Variants in AMOTL1 observed in about 807,000 individuals in gnomAD.
AMOTL1 encodes angiomotin-like protein 1.
A neutral mutation model predicts 102.9 loss-of-function variants in AMOTL1; 45 were observed. That is an observed-to-expected ratio of 0.44 (90% CI 0.34 to 0.56). The LOEUF (loss-of-function observed/expected upper bound fraction) is 0.56. AMOTL1 is among the 20% of genes least tolerant of loss of function. AMOTL1 has a pLI of 0.01. For synonymous variants in AMOTL1, 481 were observed against 484.7 expected, an observed-to-expected ratio of 0.99 and a Z score of 0.10; for missense variants, 1,114 against 1,225.6, an observed-to-expected ratio of 0.91 and a Z score of 1.36.
intron 8 of AMOTL1, among the ~76,000 whole-genome samples, chr11:94,856,391 T>C (rs988178560): frequency 2.0e-5 from 3 of 152,200 alleles, no homozygotes; most frequent in African/African-American, 7.2e-5. Context: ...ACTGGTTCCA[T>C]GTGGCAGATA....
intron 2 of AMOTL1, among the ~76,000 whole-genome samples, chr11:94,796,013 A>C (rs1026250136): frequency 6.6e-6 from 1 of 152,232 alleles, no homozygotes; most frequent in African/African-American, 2.4e-5. Flanking sequence ...AGTCCAACCC[A>C]CATTGATCTG....
chr11:94,742,006 C>A (rs1471835648), intron 3 of AMOTL1, among the ~76,000 whole-genome samples: 1 of 152,306 alleles, frequency 6.6e-6, no homozygotes, highest in East Asian at 1.9e-4. Flanking sequence ...GGACCTGAAG[C>A]AAAATTCCAC....
intron 4 of AMOTL1, among the ~76,000 whole-genome samples, chr11:94,823,943 TCTC>T (rs1296878540): frequency 6.6e-6 from 1 of 151,892 alleles, no homozygotes; most frequent in Non-Finnish European, 1.5e-5. Flanking sequence ...ATGGTTTTGA[TCTC>T]CTGACCTCGT....
At chr11:94,773,862 T>C (rs1464736893) in intron 1 of AMOTL1, among the ~76,000 whole-genome samples, 1 of 152,194 alleles carries the variant, frequency 6.6e-6, no homozygotes, top group Non-Finnish European at 1.5e-5. Context: ...GTTGAATAGA[T>C]TAAGAGTTAT....
intron 8 of AMOTL1, among the ~76,000 whole-genome samples, chr11:94,858,180 C>T (rs1421504766): frequency 6.6e-6 from 1 of 152,082 alleles, no homozygotes; most frequent in Non-Finnish European, 1.5e-5. Flanking sequence ...AATAAGGGAG[C>T]GTCTCATCTC....
intron 6 of AMOTL1, among the ~76,000 whole-genome samples, chr11:94,845,309 C>T (rs1952386399): frequency 6.6e-6 from 1 of 152,262 alleles, no homozygotes; most frequent in South Asian, 2.1e-4. Context: ...TACTTTCTAC[C>T]ACTTGTGTTC....
chr11:94,836,775 T>A (rs1438318691), intron 6 of AMOTL1, among the ~76,000 whole-genome samples: 1 of 148,668 alleles, frequency 6.7e-6, no homozygotes, highest in African/African-American at 2.5e-5. Context: ...TTTTTTTTTT[T>A]AGAATAGAAG....
intron 1 of AMOTL1, among the ~76,000 whole-genome samples, chr11:94,715,277 A>G (rs1166521110): frequency 1.3e-5 from 2 of 152,056 alleles, no homozygotes; most frequent in East Asian, 3.9e-4. Context: ...CTGTTTTATG[A>G]CCCAGTATAT....
intron 6 of AMOTL1, among the ~76,000 whole-genome samples, chr11:94,835,009 C>G (rs957926312): frequency 6.6e-6 from 1 of 152,122 alleles, no homozygotes; most frequent in African/African-American, 2.4e-5. Context: ...TTGTACTCCC[C>G]CAAGTCATGA....
rs538905680 is a variant in AMOTL1 at position 94,860,020 on chromosome 11, A to G, written c.2135+305A>G. ...AATCTCAGTGTTGTTGAAAATATCA[A>G]TACATTTAACATAGCCTAGATTTCA... On this transcript the variant is annotated intron_variant, in intron 9 of 12. Transcript: ENST00000433060. Among the ~76,000 whole-genome samples the G allele has an allele frequency of 9.2e-5, 14 of 152,342 alleles. No individual in the cohort carries two copies. In the East Asian group the frequency reaches 1.2e-3, roughly 13 times the overall value.
chr11:94,843,752 T>C (rs892624533), intron 6 of AMOTL1, among the ~76,000 whole-genome samples: 1 of 152,192 alleles, frequency 6.6e-6, no homozygotes, highest in African/African-American at 2.4e-5. Context: ...AGGAGTTCAT[T>C]TCAGCAGCAT....
intron 4 of AMOTL1, among the ~76,000 whole-genome samples, chr11:94,825,805 G>C (rs1951951639): frequency 6.6e-6 from 1 of 152,164 alleles, no homozygotes; most frequent in Non-Finnish European, 1.5e-5. Flanking sequence ...GAAATAAAAA[G>C]CTTTAGTTTT....
intron 3 of AMOTL1, among the ~76,000 whole-genome samples, chr11:94,811,356 G>T (rs985001325): frequency 3.3e-5 from 5 of 152,194 alleles, no homozygotes; most frequent in South Asian, 2.1e-4. Context: ...TTAGCTGGGT[G>T]TGGTGGTGCA....
At chr11:94,796,053 C>A (rs1481096078) in intron 2 of AMOTL1, among the ~76,000 whole-genome samples, 1 of 152,186 alleles carries the variant, frequency 6.6e-6, no homozygotes, top group Non-Finnish European at 1.5e-5. Context: ...TGGTTTATTA[C>A]AAATATTTGG....
intron 7 of AMOTL1, among the ~76,000 whole-genome samples, chr11:94,851,786 A>T (rs1289011389): frequency 6.6e-6 from 1 of 152,256 alleles, no homozygotes; most frequent in African/African-American, 2.4e-5. Context: ...GTGTTCCAAC[A>T]GTGTTGGCTG....
At chr11:94,823,372 C>T (rs1951903397) in intron 4 of AMOTL1, among the ~76,000 whole-genome samples, 1 of 152,150 alleles carries the variant, frequency 6.6e-6, no homozygotes, top group Non-Finnish European at 1.5e-5. Flanking sequence ...GCCTCACTCC[C>T]ACCCCCTCTT....
rs776638987 is a variant in AMOTL1 at position 94,841,180 on chromosome 11, C to T, written c.1649-8934C>T. 3.4e-4 allele frequency among the ~76,000 whole-genome samples: 52 copies of T among 152,068 alleles called. 1 individual carries two copies. The highest frequency in any genetic ancestry group is 1.5e-4 in the Non-Finnish European group (10 of 68,036). ...GCAAGGCCAGTCACGGTGGCTCACA[C>T]CTGTAATCCCAGCACTTTGGGAGGC... is the stretch of plus-strand genomic sequence containing the variant. On this transcript the variant is annotated intron_variant, in intron 6 of 12. Transcript: ENST00000433060.
chr11:94,737,525 G>GATTATTATC (rs1950454001), intron 2 of AMOTL1, among the ~76,000 whole-genome samples: 1 of 152,186 alleles, frequency 6.6e-6, no homozygotes, highest in Non-Finnish European at 1.5e-5. Context: ...TGCTAGGTAT[G>GATTATTATC]ATTATTATCT....
chr11:94,864,255 A>G (rs1453913803), intron 9 of AMOTL1, among the ~76,000 whole-genome samples: 1 of 151,614 alleles, frequency 6.6e-6, no homozygotes, highest in Non-Finnish European at 1.5e-5. Context: ...AAATACAATA[A>G]TAATAATAAT....
Sources: gnomAD v4.1 joint callset for allele counts (sites outside exome capture counted in the v4.1 genomes callset) on GRCh38, gnomAD v4.1.1 for gene constraint, MANE v1.5 for transcripts, NCBI Gene and HGNC (gene_info 2026-07-23, HGNC 2026-07-21) for gene names.